The following RMDN2 variants were observed in gnomAD, a reference collection of about 807,000 sequenced individuals.
RMDN2 encodes regulator of microtubule dynamics 2, also known as regulator of microtubule dynamics protein 2.
RMDN2 carries 61 observed loss-of-function variants against 52.8 expected under a neutral mutation model. The observed-to-expected ratio is 1.16, with a 90% CI of 0.94 to 1.43. The LOEUF (loss-of-function observed/expected upper bound fraction) is 1.43. Among genes scored for constraint, RMDN2 ranks in the 40% most tolerant of loss-of-function variants. RMDN2 has a pLI of 0.00. For missense variants in RMDN2, 592 were observed against 475.3 expected (o/e 1.25, Z -2.28); for synonymous variants, 180 against 153.1 (o/e 1.18, Z -1.30).
At chr2:37,940,628 TAA>T (rs1431011283) in intron 2 of RMDN2, among the ~76,000 whole-genome samples, 1 of 152,226 alleles carries the variant, frequency 6.6e-6, no homozygotes, top group Non-Finnish European at 1.5e-5. Flanking sequence ...TTTATTTCGT[TAA>T]GTTGATCTTC....
At chr2:38,065,222 T>C (rs1347079832) in intron 10 of RMDN2, among the ~76,000 whole-genome samples, 1 of 152,132 alleles carries the variant, frequency 6.6e-6, no homozygotes, top group Non-Finnish European at 1.5e-5. Context: ...CAGGATGAGA[T>C]ATGTACAGCA....
chr2:38,043,275 A>G (rs1681076279), intron 10 of RMDN2, among the ~76,000 whole-genome samples: 1 of 152,146 alleles, frequency 6.6e-6, no homozygotes, highest in Non-Finnish European at 1.5e-5. Flanking sequence ...AATTTTTCTT[A>G]GTCTCAAATC....
At chr2:37,951,342 G>A (rs1485990653) in intron 2 of RMDN2, 1 of 1,612,910 alleles carries the variant, frequency 6.2e-7, no homozygotes, top group Non-Finnish European at 8.5e-7. Flanking sequence ...TATATCTCTT[G>A]GTCATAAAAC....
intron 10 of RMDN2, among the ~76,000 whole-genome samples, chr2:38,034,375 T>C (rs1188896347): frequency 6.6e-6 from 1 of 152,212 alleles, no homozygotes; most frequent in Non-Finnish European, 1.5e-5. Context: ...AGCCTAGTTA[T>C]AGTTGCTTTA....
At chr2:38,055,009 T>C (rs1681800245) in intron 10 of RMDN2, among the ~76,000 whole-genome samples, 1 of 152,222 alleles carries the variant, frequency 6.6e-6, no homozygotes, top group African/African-American at 2.4e-5. Context: ...AAATGTCTTA[T>C]GTACCATAAA....
intron 2 of RMDN2, among the ~76,000 whole-genome samples, chr2:37,940,561 C>A (rs1295381277): frequency 6.6e-6 from 1 of 152,182 alleles, no homozygotes; most frequent in Non-Finnish European, 1.5e-5. Flanking sequence ...TCCCATGTTT[C>A]CTGGAGTCTT....
At chr2:37,978,831 C>T (rs1379825362) in intron 4 of RMDN2, among the ~76,000 whole-genome samples, 2 of 135,954 alleles carry the variant, frequency 1.5e-5, no homozygotes, top group East Asian at 2.2e-4. Flanking sequence ...AGGCTGTTTG[C>T]GAGCATATGT....
At chr2:38,028,356 A>G (rs1679934300) in intron 10 of RMDN2, among the ~76,000 whole-genome samples, 1 of 152,252 alleles carries the variant, frequency 6.6e-6, no homozygotes, top group South Asian at 2.1e-4. Context: ...ACTGCATAGT[A>G]CATCTAGAAT....
chr2:38,054,764 G>A (rs1681786062), intron 10 of RMDN2, among the ~76,000 whole-genome samples: 1 of 151,996 alleles, frequency 6.6e-6, no homozygotes, highest in Non-Finnish European at 1.5e-5. Context: ...TGATTTGCCA[G>A]CCAGCTCCAT....
At chr2:38,005,543 G>A (rs1456713896) in intron 10 of RMDN2, among the ~76,000 whole-genome samples, 2 of 152,042 alleles carry the variant, frequency 1.3e-5, no homozygotes, top group Admixed American at 1.3e-4. Context: ...ACTTTTTGAT[G>A]GGGTTGTTTG....
At position 37,952,101 on chromosome 2, in the gene RMDN2, C is replaced by T. The variant is rs374259749; in HGVS notation, c.453-21939C>T. On this transcript the variant is annotated intron_variant, in intron 2 of 10. Transcript: ENST00000354545. ...TAAAAATTCTGGTTGCTTTATCCCACCTCAAAGCGAATTAACTTCAGGCCT... is the reference window on the plus strand; with the variant it reads ...TAAAAATTCTGGTTGCTTTATCCCATCTCAAAGCGAATTAACTTCAGGCCT... 2.5e-6 allele frequency: 4 copies of T among 1,613,052 alleles called. No individual in the cohort carries two copies. Among genetic ancestry groups the T allele is most frequent in the Non-Finnish European group, 3.4e-6 (4 of 1,179,500 alleles).
At chr2:37,959,537 C>A (rs992871345) in intron 2 of RMDN2, among the ~76,000 whole-genome samples, 1 of 150,788 alleles carries the variant, frequency 6.6e-6, no homozygotes, top group African/African-American at 2.5e-5. Flanking sequence ...TTTGATTCTT[C>A]TCTCTTTTCT....
intron 8 of RMDN2, among the ~76,000 whole-genome samples, chr2:38,001,602 A>G (rs1676331166): frequency 6.6e-6 from 1 of 152,230 alleles, no homozygotes; most frequent in African/African-American, 2.4e-5. Context: ...TTAGAATGCC[A>G]GCATTAAAGA....
chr2:38,000,778 C>G (rs1359598771), intron 8 of RMDN2, among the ~76,000 whole-genome samples: 1 of 152,276 alleles, frequency 6.6e-6, no homozygotes, highest in Middle Eastern at 3.4e-3. Context: ...TGGTTTGATG[C>G]TATTTTGCAT....
At chr2:37,943,617 G>C (rs1667977690) in intron 2 of RMDN2, among the ~76,000 whole-genome samples, 1 of 152,188 alleles carries the variant, frequency 6.6e-6, no homozygotes. Flanking sequence ...GAAATGATCA[G>C]ATGTATTAAA....
chr2:38,054,995 C>A (rs1416998722), intron 10 of RMDN2, among the ~76,000 whole-genome samples: 1 of 152,138 alleles, frequency 6.6e-6, no homozygotes, highest in Non-Finnish European at 1.5e-5. Context: ...CAGAAAGTTA[C>A]CAGAAATGTC....
chr2:37,932,575 G>C (rs1354255904), intron 2 of RMDN2, among the ~76,000 whole-genome samples: 1 of 151,682 alleles, frequency 6.6e-6, no homozygotes, highest in South Asian at 2.1e-4. Context: ...ATGAGCTGTT[G>C]GGTACACCTC....
At chr2:37,945,313 T>G (rs560041231) in intron 2 of RMDN2, among the ~76,000 whole-genome samples, 3 of 152,340 alleles carry the variant, frequency 2.0e-5, no homozygotes, top group African/African-American at 7.2e-5. Context: ...GAGCAGCCAC[T>G]ATGAACTATA....
At chr2:37,990,053 G>A (rs1373387291) in intron 6 of RMDN2, among the ~76,000 whole-genome samples, 1 of 150,956 alleles carries the variant, frequency 6.6e-6, no homozygotes, top group African/African-American at 2.4e-5. Flanking sequence ...TGAGGCAGGA[G>A]AATGGCATGA....
Sources: gnomAD v4.1 joint callset for allele counts (sites outside exome capture counted in the v4.1 genomes callset) on GRCh38, gnomAD v4.1.1 for gene constraint, MANE v1.5 for transcripts, NCBI Gene and HGNC (gene_info 2026-07-23, HGNC 2026-07-21) for gene names.